CAB39L: variants seen among roughly 807,000 people sequenced by gnomAD.
CAB39L encodes the protein calcium-binding protein 39-like.
CAB39L carries 23 observed loss-of-function variants against 39.1 expected under a neutral mutation model. The observed-to-expected ratio is 0.59, with a 90% CI of 0.42 to 0.83. The LOEUF (loss-of-function observed/expected upper bound fraction) is 0.83. Ranked by LOEUF, CAB39L falls within the 40% of genes least tolerant of loss-of-function variation. CAB39L has a pLI of 0.00. For synonymous variants in CAB39L, 126 were observed against 137.2 expected, an observed-to-expected ratio of 0.92 and a Z score of 0.57; for missense variants, 366 against 391.9, an observed-to-expected ratio of 0.93 and a Z score of 0.56.
At chr13:49,414,556 T>C (rs1208718535) in intron 3 of CAB39L, among the ~76,000 whole-genome samples, 2 of 152,132 alleles carry the variant, frequency 1.3e-5, no homozygotes, top group Non-Finnish European at 2.9e-5. Flanking sequence ...TATAGACATA[T>C]AAAAATATTT....
chr13:49,329,924 T>C (rs993557628), intron 10 of CAB39L, among the ~76,000 whole-genome samples: 2 of 152,172 alleles, frequency 1.3e-5, no homozygotes, highest in Non-Finnish European at 2.9e-5. Flanking sequence ...CTATACTCCC[T>C]TCACATTTAT....
chr13:49,413,471 C>G (rs1396346594), intron 3 of CAB39L, among the ~76,000 whole-genome samples: 1 of 151,980 alleles, frequency 6.6e-6, no homozygotes, highest in South Asian at 2.1e-4. Flanking sequence ...AATATCCCAG[C>G]ATAGGAAAAT....
At chr13:49,415,015 G>A (rs1967764) in intron 3 of CAB39L, among the ~76,000 whole-genome samples, 82,103 of 151,110 alleles carry the variant, frequency 0.54, 22,373 homozygotes, top group South Asian at 0.64. Context: ...GGCCAACATG[G>A]TGAAATCCCA....
chr13:49,333,804 C>T (rs1954777893), intron 9 of CAB39L, among the ~76,000 whole-genome samples: 2 of 151,786 alleles, frequency 1.3e-5, no homozygotes, highest in Non-Finnish European at 2.9e-5. Flanking sequence ...GATCTCCTGA[C>T]CTGGTGATCC....
chr13:49,410,005 T>G (rs1175087709), intron 3 of CAB39L, among the ~76,000 whole-genome samples: 1 of 152,108 alleles, frequency 6.6e-6, no homozygotes, highest in African/African-American at 2.4e-5. Context: ...CAGTTAAAGT[T>G]CCGCTTATAT....
rs76533990 is a variant in CAB39L at position 49,426,803 on chromosome 13, C to G, written c.-32+6515G>C. Among the ~76,000 whole-genome samples the G allele has an allele frequency of 2.6e-4, 39 of 152,296 alleles. No individual in the cohort carries two copies. The East Asian group carries it at 7.5e-3, about 29-fold the overall frequency. ...TAAGCCACTCTTGAGTTACTTTTCT[C>G]TCATGTGAACTGCACTGCAGCATTA... On this transcript the variant is annotated intron_variant, in intron 3 of 10. Transcript: ENST00000409308.
chr13:49,345,280 C>G (rs2138442166), intron 7 of CAB39L, among the ~76,000 whole-genome samples: 1 of 152,306 alleles, frequency 6.6e-6, no homozygotes, highest in Non-Finnish European at 1.5e-5. Context: ...ATAAAACCCA[C>G]TTATTTCTAC....
chr13:49,372,254 A>C (rs1955937829), intron 5 of CAB39L, among the ~76,000 whole-genome samples: 1 of 152,198 alleles, frequency 6.6e-6, no homozygotes, highest in South Asian at 2.1e-4. Context: ...TAGTGTGCTG[A>C]AATGGTTCTT....
In CAB39L at chr13:49,371,259, C is replaced by T. The variant is rs184970214; in HGVS notation, c.276+5708G>A. 3.5e-4 allele frequency among the ~76,000 whole-genome samples: 51 copies of T among 145,134 alleles called. No homozygotes were observed. In the East Asian group the frequency reaches 9.5e-3, roughly 27 times the overall value. On this transcript the variant is annotated intron_variant, in intron 5 of 10. Coordinates refer to ENST00000409308, the MANE Select transcript of CAB39L (RefSeq NM_001079670.3). Reference sequence around the variant, plus strand: ...CAGAAGTGCAATGGTGCGATCTTGGCTCACTGCAACCTCCTCCTCCTGGGT... The same window carrying T: ...CAGAAGTGCAATGGTGCGATCTTGGTTCACTGCAACCTCCTCCTCCTGGGT...
intron 6 of CAB39L, chr13:49,351,209 G>C: frequency 4.3e-6 from 1 of 230,372 alleles, no homozygotes; most frequent in Non-Finnish European, 8.3e-6. Flanking sequence ...ACACTGAGAA[G>C]GGCTGTAAAA....
chr13:49,317,910 TAAC>T (rs764960617), intron 10 of CAB39L, among the ~76,000 whole-genome samples: 63 of 151,968 alleles, frequency 4.1e-4, no homozygotes, highest in Non-Finnish European at 3.5e-4. Context: ...TCTTACAACT[TAAC>T]AACAACAACA....
At chr13:49,364,643 C>T (rs1005491823) in intron 5 of CAB39L, among the ~76,000 whole-genome samples, 4 of 151,972 alleles carry the variant, frequency 2.6e-5, no homozygotes, top group Non-Finnish European at 4.4e-5. Flanking sequence ...TTTCTATATG[C>T]TAACAGTGAA....
chr13:49,336,046 G>C (rs967979685), intron 9 of CAB39L, among the ~76,000 whole-genome samples: 1 of 149,442 alleles, frequency 6.7e-6, no homozygotes, highest in Non-Finnish European at 1.5e-5. Context: ...TGTCAAAATA[G>C]AATATACTGC....
At chr13:49,345,435 T>TC (rs899789867) in intron 7 of CAB39L, among the ~76,000 whole-genome samples, 15 of 151,952 alleles carry the variant, frequency 9.9e-5, no homozygotes, top group Admixed American at 5.2e-4. Context: ...ATGGTGTTTT[T>TC]CCCCCCCAGT....
At chr13:49,345,244 CAAAGA>C (rs1449344172) in intron 7 of CAB39L, among the ~76,000 whole-genome samples, 5 of 152,120 alleles carry the variant, frequency 3.3e-5, no homozygotes, top group African/African-American at 1.2e-4. Flanking sequence ...CATAACTTCA[CAAAGA>C]AAAGGCAGAT....
chr13:49,355,226 AAATT>A (rs1314122347), intron 6 of CAB39L, among the ~76,000 whole-genome samples: 8 of 151,970 alleles, frequency 5.3e-5, no homozygotes, highest in Non-Finnish European at 8.8e-5. Context: ...AAAAAAAAAA[AAATT>A]AATTAGCTAA....
At chr13:49,420,933 T>C (rs1250912012) in intron 3 of CAB39L, among the ~76,000 whole-genome samples, 1 of 152,040 alleles carries the variant, frequency 6.6e-6, no homozygotes, top group East Asian at 1.9e-4. Context: ...CACATCTGCA[T>C]GAAGAAAAAA....
At chr13:49,316,453 G>GGTTTCTCAT (rs1954160157) in intron 10 of CAB39L, among the ~76,000 whole-genome samples, 3 of 152,042 alleles carry the variant, frequency 2.0e-5, no homozygotes, top group Non-Finnish European at 4.4e-5. Flanking sequence ...TAAGAAATGG[G>GGTTTCTCAT]AACACTTCCT....
At chr13:49,440,715 AGTGTGTGTGTGTGTGTGTGTGTGTGT>A (rs56314282) in intron 1 of CAB39L, among the ~76,000 whole-genome samples, 1 of 135,440 alleles carries the variant, frequency 7.4e-6, no homozygotes, top group Non-Finnish European at 1.6e-5. Flanking sequence ...ATTCCTAGGC[AGTGTGTGTGTGTGTGTGTGTGTGTGT>A]GTGTGTGTGT....
Sources: gnomAD v4.1 joint callset for allele counts (sites outside exome capture counted in the v4.1 genomes callset) on GRCh38, gnomAD v4.1.1 for gene constraint, MANE v1.5 for transcripts, NCBI Gene and HGNC (gene_info 2026-07-23, HGNC 2026-07-21) for gene names.